TRMT5: variants seen among roughly 807,000 people sequenced by gnomAD.
The protein encoded by TRMT5 is tRNA (guanine(37)-N(1))-methyltransferase.
A neutral mutation model predicts 42.2 loss-of-function variants in TRMT5; 31 were observed. The observed-to-expected ratio is 0.73, with a 90% CI of 0.55 to 0.99. The LOEUF is 0.99. TRMT5 is among the 50% of genes least tolerant of loss of function. The pLI, the probability that TRMT5 is intolerant of heterozygous loss-of-function variation, is 0.00. For synonymous variants in TRMT5, 198 were observed against 209.6 expected, an observed-to-expected ratio of 0.94 and a Z score of 0.48; for missense variants, 568 against 595.0, an observed-to-expected ratio of 0.95 and a Z score of 0.47.
intron 1 of TRMT5, 87 bp downstream of exon 1, chr14:60,980,876 T>A (rs762605292): frequency 1.2e-6 from 2 of 1,600,976 alleles, no homozygotes; most frequent in African/African-American, 2.7e-5. Context: ...GATGTTTCTG[T>A]GCCCAGGCAG....
rs766758003 is a variant in TRMT5 at position 60,980,989 on chromosome 14, C to T, written c.-16G>A. On this transcript the variant is annotated 5_prime_UTR_variant, in exon 1 of 5. Transcript: ENST00000261249. ...AAAGCACCATTCCAATTCCCCACGT[C>T]GCTCTGCAGCTGGATCCGCGAGCCG... 19 of 1,611,306 alleles carry T rather than the reference C, an allele frequency of 1.2e-5. No individual in the cohort carries two copies. In the Admixed American group the frequency reaches 2.3e-4, roughly 20 times the overall value.
At chr14:60,980,570 G>A (rs529655422) in intron 1 of TRMT5, among the ~76,000 whole-genome samples, 2 of 152,212 alleles carry the variant, frequency 1.3e-5, no homozygotes, top group Non-Finnish European at 2.9e-5. Flanking sequence ...TTGAGGACGA[G>A]AGCTTTGCTG....
rs2036811102 is a variant in TRMT5 at position 60,973,902 on chromosome 14, T to C, written c.*1207A>G. On this transcript the variant is annotated 3_prime_UTR_variant, in exon 5 of 5. Coordinates refer to ENST00000261249, the MANE Select transcript of TRMT5 (RefSeq NM_020810.3). ...GAGACTTACTGTTGTTGCAGCCTCA[T>C]TTTCATTTTGTGAAGAAATTCTGCT... 1 of 152,360 alleles carries C rather than the reference T, an allele frequency of 6.6e-6. No homozygotes were observed. The highest frequency in any genetic ancestry group is 1.9e-4 in the East Asian group (1 of 5,184). The allele number at this position is 152,360 out of a possible 1,614,324, so 9.4% of individuals were successfully genotyped here. A position where few individuals can be genotyped will look rare whatever the true frequency, so the allele number is the denominator to read the frequency against.
rs754584357 is a variant in TRMT5 at position 60,975,510 on chromosome 14, G to A, written c.1409C>T (p.Ala470Val). ...EMLCITFQIP[A>V]SVLYKNQTRN... Reference sequence around the variant, plus strand: ...GGTCTGGTTCTTGTAGAGGACAGAGGCAGGAATCTGAAACGTGATGCACAG... The same window carrying A: ...GGTCTGGTTCTTGTAGAGGACAGAGACAGGAATCTGAAACGTGATGCACAG... Residue 470 changes from alanine (A) to valine (V), a missense_variant, in exon 4 of 5, where the codon GCC (alanine) becomes GTC (valine). Physicochemically the swap from Ala to Val is moderately conservative, Grantham distance 64 (BLOSUM62 0). Transcript: ENST00000261249. The A allele has an allele frequency of 3.7e-6, 6 of 1,614,034 alleles. No individual in the cohort carries two copies. The highest frequency in any genetic ancestry group is 4.2e-6 in the Non-Finnish European group (5 of 1,180,010).
chr14:60,975,239 T>C (rs1390699922), intron 4 of TRMT5, 45 bp from the exon 5 acceptor site: 1 of 1,497,110 alleles, frequency 6.7e-7, no homozygotes, highest in Non-Finnish European at 9.1e-7. Context: ...ATATTAACAG[T>C]TGAAAATACT....
intron 3 of TRMT5, among the ~76,000 whole-genome samples, chr14:60,977,268 T>C (rs898676515): frequency 7.2e-5 from 11 of 152,198 alleles, no homozygotes; most frequent in Non-Finnish European, 1.2e-4. Flanking sequence ...GGACAACTTA[T>C]TTTAACAAAT....
Position 60,973,329 on chromosome 14 carries a change from G to A in TRMT5, c.*1780C>T, listed in dbSNP as rs1359410523. On this transcript the variant is annotated 3_prime_UTR_variant, in exon 5 of 5. Transcript: ENST00000261249. ...CATAGCACTGGCATCTGCTTCTGGGGAAGCCTCAGGAAGCTTTTACTCATG... is the reference window on the plus strand; with the variant it reads ...CATAGCACTGGCATCTGCTTCTGGGAAAGCCTCAGGAAGCTTTTACTCATG... 3.9e-5 allele frequency: 6 copies of A among 152,332 alleles called. No homozygotes were observed. In the South Asian group the frequency reaches 1.2e-3, roughly 32 times the overall value. The allele number at this position is 152,332 out of a possible 1,614,324, so 9.4% of individuals were successfully genotyped here.
intron 4 of TRMT5, 97 bp from the exon 5 acceptor site, chr14:60,975,291 C>G: frequency 7.6e-7 from 1 of 1,318,352 alleles, no homozygotes; most frequent in South Asian, 1.4e-5. Flanking sequence ...ATCTAGTCAA[C>G]TTAAACATGA....
chr14:60,975,786 CTT>C lies in TRMT5; in HGVS notation c.1131_1132del (p.Arg378LysfsTer19). 6.2e-7 allele frequency: 1 copy of C among 1,614,230 alleles called. No homozygotes were observed. Among genetic ancestry groups the C allele is most frequent in the Non-Finnish European group, 8.5e-7 (1 of 1,180,040 alleles). ...CATGACAACGTGCACAGAGGGTTTT[CTT>C]TCTTTTGACAGACCCAGCAGCTGCA... On this transcript the variant is annotated frameshift_variant, in exon 4 of 5. Coordinates refer to ENST00000261249, the MANE Select transcript of TRMT5 (RefSeq NM_020810.3). LOFTEE classifies it high-confidence loss of function.
Position 60,972,876 on chromosome 14 carries a change from C to T in TRMT5, c.*2233G>A, listed in dbSNP as rs1401398330. 1 of 152,514 alleles carries T rather than the reference C, an allele frequency of 6.6e-6. No individual in the cohort carries two copies. The highest frequency in any genetic ancestry group is 1.5e-5 in the Non-Finnish European group (1 of 68,300). The allele number at this position is 152,514 out of a possible 1,614,324, so 9.4% of individuals were successfully genotyped here. ...CTGAGCATATTCATCACTTGGAAAG[C>T]ATTTGTAAAATTCTTTTACATTTCT... On this transcript the variant is annotated 3_prime_UTR_variant, in exon 5 of 5. Coordinates refer to ENST00000261249, the MANE Select transcript of TRMT5 (RefSeq NM_020810.3).
In TRMT5 at chr14:60,975,085, G is replaced by C. The variant is rs1566588920; in HGVS notation, c.*24C>G. The stretch of plus-strand genomic sequence containing the variant: ...TATTTCACTACATGTAAGTCTGGTA[G>C]GGAGATGGAGAAAACATTTCCAATT... On this transcript the variant is annotated 3_prime_UTR_variant, in exon 5 of 5. Transcript: ENST00000261249. The C allele has an allele frequency of 6.4e-7, 1 of 1,566,556 alleles. No individual in the cohort carries two copies.
rs760527002 is a variant in TRMT5 at position 60,981,075 on chromosome 14, T to C, written c.-102A>G. The C allele has an allele frequency of 1.0e-5, 16 of 1,604,594 alleles. No individual in the cohort carries two copies. Among genetic ancestry groups the C allele is most frequent in the Middle Eastern group, 3.3e-4 (2 of 6,054 alleles). ...GGGTCGCGGGTGGATGGGCGGGTCT[T>C]CTATGACATCATCACTGTTCGCCGC... On this transcript the variant is annotated 5_prime_UTR_variant, in exon 1 of 5. Coordinates refer to ENST00000261249, the MANE Select transcript of TRMT5 (RefSeq NM_020810.3).
Position 60,973,118 on chromosome 14 carries a change from T to TG in TRMT5, c.*1990dup, listed in dbSNP as rs2036799118. On this transcript the variant is annotated 3_prime_UTR_variant, in exon 5 of 5. Coordinates refer to ENST00000261249, the MANE Select transcript of TRMT5 (RefSeq NM_020810.3). ...TCTTTCTCTTTGATAGTATGACAAATGTGTAAGGATATTGTCATCAAATAT... is the reference window on the plus strand; with the variant it reads ...TCTTTCTCTTTGATAGTATGACAAATGGTGTAAGGATATTGTCATCAAATAT... The TG allele has an allele frequency of 6.6e-6, 1 of 152,246 alleles. No individual in the cohort carries two copies. The highest frequency in any genetic ancestry group is 1.5e-5 in the Non-Finnish European group (1 of 68,064). The allele number at this position is 152,246 out of a possible 1,614,324, so 9.4% of individuals were successfully genotyped here.
chr14:60,972,221 A>G lies in TRMT5; in HGVS notation c.*2888T>C. The G allele has an allele frequency of 1.9e-6, 1 of 516,822 alleles. No individual in the cohort carries two copies. The highest frequency in any genetic ancestry group is 3.8e-6 in the Non-Finnish European group (1 of 261,688). 32.0% of individuals were successfully genotyped at this position (516,822 alleles called of 1,614,324 possible). ...TTCAAACTGTACAGTCACCAGAAGTACAGTTATAAAAAATGCACACACTTC... is the reference window on the plus strand; with the variant it reads ...TTCAAACTGTACAGTCACCAGAAGTGCAGTTATAAAAAATGCACACACTTC... On this transcript the variant is annotated 3_prime_UTR_variant, in exon 5 of 5. Transcript: ENST00000261249.
Position 60,976,087 on chromosome 14 carries a change from T to C in TRMT5, c.832A>G (p.Lys278Glu), listed in dbSNP as rs765879776. 6.8e-6 allele frequency: 11 copies of C among 1,610,214 alleles called. No individual in the cohort carries two copies. The East Asian group carries it at 2.2e-4, about 33-fold the overall frequency. ...GACAGACGAGGATTCCAATAGACTT[T>C]TGAAAAATCAAATTCATAGGTGTAG... ...NNYTYEFDFS[K>E]VYWNPRLSTE... Residue 278 changes from lysine to glutamate, a missense_variant, in exon 4 of 5, where the codon AAA becomes GAA. Physicochemically the swap from Lys to Glu is moderately conservative, Grantham distance 56. Transcript: ENST00000261249.
At chr14:60,977,395 G>T in intron 3 of TRMT5, 119 bp downstream of exon 3, 2 of 985,458 alleles carry the variant, frequency 2.0e-6, no homozygotes, top group Non-Finnish European at 1.4e-6. Flanking sequence ...ATACATAAGT[G>T]ATCACATTCT....
chr14:60,979,509 G>A lies in TRMT5; in HGVS notation c.389C>T (p.Pro130Leu), dbSNP rs371889141. 2.9e-5 allele frequency: 47 copies of A among 1,613,916 alleles called. No homozygotes were observed. Among genetic ancestry groups the A allele is most frequent in the African/African-American group, 4.0e-5 (3 of 74,878 alleles). ...GATTAGTCTACTTTCTTTATCTTCC[G>A]GATCTTCAATCACACGTCTTATGCC... ...RPGIRRVIED[P>L]EDKESRLIML... Residue 130 changes from proline (P) to leucine (L), a missense_variant, in exon 2 of 5, where the codon CCG becomes CTG. Physicochemically the swap from Pro to Leu is moderately conservative, Grantham distance 98. Coordinates refer to ENST00000261249, the MANE Select transcript of TRMT5 (RefSeq NM_020810.3).
At position 60,977,609 on chromosome 14, in the gene TRMT5, T is replaced by C. The variant is rs115873816; in HGVS notation, c.697A>G (p.Ile233Val). 3.6e-5 allele frequency: 58 copies of C among 1,608,514 alleles called. 1 individual carries two copies. In the East Asian group the frequency reaches 9.8e-4, roughly 27 times the overall value. Residue 233 changes from isoleucine (I) to valine (V), a missense_variant, in exon 3 of 5, where the codon ATC (isoleucine) becomes GTC (valine). By Grantham distance (29) the Ile-to-Val change is conservative. Transcript: ENST00000261249. Reference sequence around the variant, plus strand: ...TTTATTTTATTTACTGCTGAGGTGATTCCTGGATTTTTGTCAATCATAACC... The same window carrying C: ...TTTATTTTATTTACTGCTGAGGTGACTCCTGGATTTTTGTCAATCATAACC... Reference protein sequence around the residue: ...GQVMIDKNPGITSAVNKINNI... With the variant: ...GQVMIDKNPGVTSAVNKINNI...
chr14:60,981,174 G>A, upstream of TRMT5: 2 of 1,534,208 alleles, frequency 1.3e-6, no homozygotes, highest in East Asian at 4.9e-5. Context: ...ACGGAATGCC[G>A]GAAGGGCCGG....
Sources: gnomAD v4.1 joint callset for allele counts (sites outside exome capture counted in the v4.1 genomes callset) on GRCh38, gnomAD v4.1.1 for gene constraint, MANE v1.5 for transcripts, NCBI Gene and HGNC (gene_info 2026-07-23, HGNC 2026-07-21) for gene names.